The following FSIP1 variants were observed in gnomAD, a reference collection of about 807,000 sequenced individuals.
FSIP1 encodes fibrous sheath-interacting protein 1.
A neutral mutation model predicts 60.9 loss-of-function variants in FSIP1; 65 were observed. That is an observed-to-expected ratio of 1.07 (90% CI 0.87 to 1.31). FSIP1 has a LOEUF of 1.31. Among genes scored for constraint, FSIP1 ranks in the 40% most tolerant of loss-of-function variants. The pLI, the probability that FSIP1 is intolerant of heterozygous loss-of-function variation, is 0.00. For synonymous variants in FSIP1, 209 were observed against 221.2 expected, an observed-to-expected ratio of 0.94 and a Z score of 0.49; for missense variants, 675 against 665.5, an observed-to-expected ratio of 1.01 and a Z score of -0.16.
intron 3 of FSIP1, among the ~76,000 whole-genome samples, chr15:39,770,071 G>A (rs900758717): frequency 2.6e-5 from 4 of 152,058 alleles, no homozygotes; most frequent in Non-Finnish European, 5.9e-5. Context: ...AAATGTTATT[G>A]GGTGGGACTA....
intron 10 of FSIP1, among the ~76,000 whole-genome samples, chr15:39,709,579 A>G (rs1435159937): frequency 6.6e-6 from 1 of 152,184 alleles, no homozygotes. Flanking sequence ...AACAGAGGTC[A>G]TCTTGCACTA....
intron 10 of FSIP1, among the ~76,000 whole-genome samples, chr15:39,696,949 T>C (rs1894845904): frequency 6.9e-6 from 1 of 145,146 alleles, no homozygotes; most frequent in Non-Finnish European, 1.5e-5. Flanking sequence ...AAGGTAAGCA[T>C]TTGGGGTATG....
chr15:39,679,851 T>A (rs557542631), intron 10 of FSIP1, among the ~76,000 whole-genome samples: 29 of 152,220 alleles, frequency 1.9e-4, no homozygotes, highest in Non-Finnish European at 3.8e-4. Flanking sequence ...ATGCAAATTT[T>A]AACATTACTA....
chr15:39,664,855 G>T (rs573443157), intron 10 of FSIP1, among the ~76,000 whole-genome samples: 1 of 152,252 alleles, frequency 6.6e-6, no homozygotes, highest in East Asian at 1.9e-4. Flanking sequence ...GTGCAGGGAT[G>T]CCTGGAAGTG....
At chr15:39,758,633 T>C (rs983163765) in intron 5 of FSIP1, among the ~76,000 whole-genome samples, 6 of 152,144 alleles carry the variant, frequency 3.9e-5, no homozygotes. Flanking sequence ...TACTGGTCTT[T>C]AGACATTTAA....
At chr15:39,634,690 T>G (rs370999692) in intron 10 of FSIP1, among the ~76,000 whole-genome samples, 3 of 152,204 alleles carry the variant, frequency 2.0e-5, no homozygotes, top group African/African-American at 7.2e-5. Flanking sequence ...TAGAGCTACT[T>G]CTCAGAACAA....
chr15:39,725,947 G>C (rs934661561), intron 9 of FSIP1, among the ~76,000 whole-genome samples: 1 of 152,010 alleles, frequency 6.6e-6, no homozygotes, highest in Non-Finnish European at 1.5e-5. Context: ...ACCACACCCA[G>C]CTAATTTTTG....
intron 10 of FSIP1, among the ~76,000 whole-genome samples, chr15:39,626,933 A>G (rs746014714): frequency 2.0e-5 from 3 of 152,072 alleles, no homozygotes; most frequent in Non-Finnish European, 4.4e-5. Context: ...TCTGCCTCTT[A>G]TTGTGAGAAG....
intron 9 of FSIP1, among the ~76,000 whole-genome samples, chr15:39,722,964 G>A (rs921467422): frequency 1.3e-5 from 2 of 151,812 alleles, no homozygotes; most frequent in East Asian, 3.9e-4. Flanking sequence ...TATGGCACCT[G>A]CCTGTGCTGT....
chr15:39,741,401 T>C (rs1896796650), intron 6 of FSIP1, among the ~76,000 whole-genome samples: 1 of 152,198 alleles, frequency 6.6e-6, no homozygotes, highest in Non-Finnish European at 1.5e-5. Context: ...GGTAGGCCCC[T>C]GACCCAGCTG....
downstream of FSIP1, chr15:39,598,649 A>T (rs1890534165): frequency 6.6e-6 from 1 of 152,242 alleles, no homozygotes; most frequent in Non-Finnish European, 1.5e-5. Flanking sequence ...ACCTTCAAAT[A>T]ATCAGGTTGT....
At chr15:39,624,176 A>T (rs1891548212) in intron 10 of FSIP1, among the ~76,000 whole-genome samples, 2 of 152,138 alleles carry the variant, frequency 1.3e-5, no homozygotes, top group Non-Finnish European at 2.9e-5. Context: ...GGGTAAGGTG[A>T]TTTCCCAAAC....
In FSIP1 at chr15:39,600,854, GA is replaced by G; in HGVS notation, c.*25del. The G allele has an allele frequency of 1.3e-6, 2 of 1,582,480 alleles. No individual in the cohort carries two copies. The highest frequency in any genetic ancestry group is 1.9e-5 in the Admixed American group (1 of 52,624). ...AATTTAACTTCATTACCAACTTTCT[GA>G]AAAGCACACCCAGCAAGTCCTTGAT... On this transcript the variant is annotated 3_prime_UTR_variant, in exon 12 of 12. Transcript: ENST00000350221.
At chr15:39,753,936 G>GATAT (rs1040018590) in intron 5 of FSIP1, among the ~76,000 whole-genome samples, 2 of 72,330 alleles carry the variant, frequency 2.8e-5, no homozygotes, top group African/African-American at 6.2e-5. Context: ...ACAATAAAAA[G>GATAT]ATATATAAGA....
chr15:39,658,938 A>T (rs569561875), intron 10 of FSIP1, among the ~76,000 whole-genome samples: 2 of 152,376 alleles, frequency 1.3e-5, no homozygotes, highest in South Asian at 4.1e-4. Context: ...GAGTAAACAA[A>T]ATGTGGTATA....
intron 10 of FSIP1, among the ~76,000 whole-genome samples, chr15:39,639,842 C>A (rs772526201): frequency 1.4e-4 from 21 of 152,138 alleles, no homozygotes; most frequent in Non-Finnish European, 2.8e-4. Flanking sequence ...AATGAAAGCC[C>A]ACAAATAAGC....
At chr15:39,730,627 CCAAA>C (rs1304609752) in intron 8 of FSIP1, among the ~76,000 whole-genome samples, 1 of 152,158 alleles carries the variant, frequency 6.6e-6, no homozygotes, top group Non-Finnish European at 1.5e-5. Flanking sequence ...TTCAGTGAAA[CCAAA>C]CAGTGTGTGA....
chr15:39,706,924 TC>T (rs1187155705), intron 10 of FSIP1, among the ~76,000 whole-genome samples: 1 of 152,200 alleles, frequency 6.6e-6, no homozygotes, highest in Non-Finnish European at 1.5e-5. Flanking sequence ...CCTATCTCAT[TC>T]TTTTGATAGG....
At chr15:39,758,041 C>T (rs1244134475) in intron 5 of FSIP1, among the ~76,000 whole-genome samples, 2 of 152,106 alleles carry the variant, frequency 1.3e-5, no homozygotes, top group Non-Finnish European at 2.9e-5. Context: ...GCTTTCATAT[C>T]ATTAAGTCCA....
Sources: gnomAD v4.1 joint callset for allele counts (sites outside exome capture counted in the v4.1 genomes callset) on GRCh38, gnomAD v4.1.1 for gene constraint, MANE v1.5 for transcripts, NCBI Gene and HGNC (gene_info 2026-07-23, HGNC 2026-07-21) for gene names.